The following RUNX2 variants were observed in gnomAD, a reference collection of about 807,000 sequenced individuals.
The protein encoded by RUNX2 is runt-related transcription factor 2.
Under a neutral mutation model 51.7 loss-of-function variants are expected in RUNX2, and 10 were observed. That is an observed-to-expected ratio of 0.19 (90% CI 0.12 to 0.33). RUNX2 has a LOEUF of 0.33. RUNX2 is among the 10% of genes least tolerant of loss of function. The pLI, the probability that RUNX2 is intolerant of heterozygous loss-of-function variation, is 1.00. For synonymous variants in RUNX2, 276 were observed against 273.6 expected (o/e 1.01, Z -0.09); for missense variants, 562 against 691.3 (o/e 0.81, Z 2.10).
intron 5 of RUNX2, among the ~76,000 whole-genome samples, chr6:45,440,583 T>C (rs1186116248): frequency 1.3e-5 from 2 of 152,174 alleles, no homozygotes; most frequent in African/African-American, 2.4e-5. Flanking sequence ...CATACATTCA[T>C]GGTCATGGCT....
intron 2 of RUNX2, chr6:45,377,527 G>T (rs1035831388): frequency 6.6e-6 from 1 of 152,226 alleles, no homozygotes; most frequent in Non-Finnish European, 1.5e-5. Flanking sequence ...GGAGTCGAGA[G>T]GCAACTCCAC....
Position 45,399,349 on chromosome 6 carries a change from C to CTTTTTTTTTTTTTTTTTTTTT in RUNX2, c.59-23236_59-23216dup, listed in dbSNP as rs398048486. Among the ~76,000 whole-genome samples the CTTTTTTTTTTTTTTTTTTTTT allele has an allele frequency of 1.2e-4, 7 of 57,376 alleles. 1 individual carries two copies. The highest frequency in any genetic ancestry group is 2.4e-4 in the Non-Finnish European group (7 of 29,036). The allele number at this position is 57,376 out of a possible 152,430, so 37.6% of individuals were successfully genotyped here. A position where few individuals can be genotyped will look rare whatever the true frequency, so the allele number is the denominator to read the frequency against. ...CTTTCTCATTTCTTTCTTTTCTTTC[C>CTTTTTTTTTTTTTTTTTTTTT]TTTTTTTTTTTTTTTTTTTTTTTTT... is the stretch of plus-strand genomic sequence containing the variant. On this transcript the variant is annotated intron_variant, in intron 2 of 8. Coordinates refer to ENST00000647337, the MANE Select transcript of RUNX2 (RefSeq NM_001024630.4).
At chr6:45,438,124 A>T in intron 5 of RUNX2, 73 bp downstream of exon 5, 1 of 953,876 alleles carries the variant, frequency 1.0e-6, no homozygotes, top group Non-Finnish European at 1.7e-6. Context: ...ATTCCAAATG[A>T]GTTAGTGTCA....
intron 2 of RUNX2, among the ~76,000 whole-genome samples, chr6:45,352,405 T>C (rs767226086): frequency 6.6e-6 from 1 of 152,152 alleles, no homozygotes; most frequent in Non-Finnish European, 1.5e-5. Context: ...ACAAATCTAA[T>C]AAATTTGATT....
chr6:45,330,189 A>G (rs576264592), intron 2 of RUNX2, among the ~76,000 whole-genome samples: 53 of 151,966 alleles, frequency 3.5e-4, no homozygotes, highest in Non-Finnish European at 5.6e-4. Context: ...TATAATATAT[A>G]CAATATAATA....
At chr6:45,411,600 G>A (rs770995942) in intron 2 of RUNX2, among the ~76,000 whole-genome samples, 1 of 151,824 alleles carries the variant, frequency 6.6e-6, no homozygotes, top group Non-Finnish European at 1.5e-5. Flanking sequence ...TTTTTTATTT[G>A]TTGCAGTGTA....
chr6:45,521,414 C>T (rs1401232452), intron 7 of RUNX2, among the ~76,000 whole-genome samples: 1 of 152,114 alleles, frequency 6.6e-6, no homozygotes, highest in African/African-American at 2.4e-5. Flanking sequence ...TATCTGTTTC[C>T]AGAACTTGCT....
chr6:45,375,264 A>G (rs764073803), intron 2 of RUNX2, among the ~76,000 whole-genome samples: 1 of 152,172 alleles, frequency 6.6e-6, no homozygotes, highest in Non-Finnish European at 1.5e-5. Context: ...AAAACTATAT[A>G]TTACAAGTCC....
intron 2 of RUNX2, among the ~76,000 whole-genome samples, chr6:45,348,898 T>G (rs1436528165): frequency 1.3e-5 from 2 of 152,168 alleles, no homozygotes; most frequent in Non-Finnish European, 2.9e-5. Flanking sequence ...TATCTCATAG[T>G]ATCCTGTACA....
intron 2 of RUNX2, among the ~76,000 whole-genome samples, chr6:45,382,359 G>T (rs1797259119): frequency 6.6e-6 from 1 of 152,216 alleles, no homozygotes; most frequent in Non-Finnish European, 1.5e-5. Flanking sequence ...AGAAGGTCAT[G>T]AGTGTTATCA....
At chr6:45,362,323 T>C (rs1349620575) in intron 2 of RUNX2, among the ~76,000 whole-genome samples, 3 of 152,140 alleles carry the variant, frequency 2.0e-5, no homozygotes, top group African/African-American at 7.2e-5. Flanking sequence ...AACTCATTAA[T>C]AGTGAATGGA....
intron 2 of RUNX2, among the ~76,000 whole-genome samples, chr6:45,347,064 T>C (rs528081806): frequency 3.3e-4 from 51 of 152,250 alleles, no homozygotes; most frequent in African/African-American, 1.2e-3. Flanking sequence ...TAATTAAAAA[T>C]TGAACACATT....
At chr6:45,408,874 A>T in intron 2 of RUNX2, among the ~76,000 whole-genome samples, 1 of 152,230 alleles carries the variant, frequency 6.6e-6, no homozygotes, top group East Asian at 1.9e-4. Flanking sequence ...TATGGAGCTT[A>T]CTGGGTAAAG....
intron 5 of RUNX2, among the ~76,000 whole-genome samples, chr6:45,475,008 C>A (rs955978641): frequency 4.0e-5 from 6 of 151,764 alleles, no homozygotes; most frequent in Admixed American, 2.0e-4. Context: ...CCTGTAATCC[C>A]AGCTACTGAG....
chr6:45,423,162 C>G (rs1213711828), intron 3 of RUNX2, among the ~76,000 whole-genome samples: 1 of 152,122 alleles, frequency 6.6e-6, no homozygotes, highest in Non-Finnish European at 1.5e-5. Flanking sequence ...CCCTCCCTCT[C>G]CCACCTGTGC....
chr6:45,461,460 C>T (rs1173508915), intron 5 of RUNX2, among the ~76,000 whole-genome samples: 2 of 152,172 alleles, frequency 1.3e-5, no homozygotes, highest in East Asian at 3.8e-4. Context: ...GAAAAGTACT[C>T]GCACAACCCC....
chr6:45,382,131 A>G (rs1797252338), intron 2 of RUNX2, among the ~76,000 whole-genome samples: 1 of 152,200 alleles, frequency 6.6e-6, no homozygotes, highest in Admixed American at 6.5e-5. Flanking sequence ...TCCCGTTCCC[A>G]TGGAATCCAA....
intron 5 of RUNX2, among the ~76,000 whole-genome samples, chr6:45,450,498 G>C (rs573938588): frequency 6.6e-6 from 1 of 152,170 alleles, no homozygotes; most frequent in African/African-American, 2.4e-5. Flanking sequence ...GAGAAAAAAG[G>C]CAAGAAACAA....
chr6:45,494,508 CT>C (rs1273855515), intron 6 of RUNX2, among the ~76,000 whole-genome samples: 11 of 151,176 alleles, frequency 7.3e-5, no homozygotes, highest in Admixed American at 2.0e-4. Context: ...GACTAGTGTT[CT>C]TTTTTTTTCA....
Sources: gnomAD v4.1 joint callset for allele counts (sites outside exome capture counted in the v4.1 genomes callset) on GRCh38, gnomAD v4.1.1 for gene constraint, MANE v1.5 for transcripts, NCBI Gene and HGNC (gene_info 2026-07-23, HGNC 2026-07-21) for gene names.